ITPR1: variants seen among roughly 807,000 people sequenced by gnomAD.
ITPR1 encodes inositol 1,4,5-trisphosphate-gated calcium channel ITPR1.
In ITPR1, 96 loss-of-function variants were observed where a neutral mutation model predicts 318.4. The ratio of observed to expected loss-of-function variants is 0.30; its 90% CI spans 0.26 to 0.36. The LOEUF is 0.36. Among genes scored for constraint, ITPR1 ranks in the 10% least tolerant of loss-of-function variants. ITPR1 has a pLI of 1.00. For missense variants in ITPR1, 2,440 were observed against 3,460.2 expected (o/e 0.71, Z 7.40); for synonymous variants, 1,312 against 1,289.9 (o/e 1.02, Z -0.37).
intron 60 of ITPR1, among the ~76,000 whole-genome samples, chr3:4,834,666 G>A (rs767178097): frequency 6.7e-4 from 102 of 152,186 alleles, no homozygotes; most frequent in African/African-American, 2.4e-3. Context: ...GGAAGATGTG[G>A]CTGTGTCTGA....
intron 31 of ITPR1, among the ~76,000 whole-genome samples, chr3:4,690,692 G>A (rs991637587): frequency 5.3e-5 from 8 of 152,098 alleles, no homozygotes; most frequent in Admixed American, 1.3e-4. Flanking sequence ...ATTAAAACTG[G>A]ATCCTACTCC....
intron 60 of ITPR1, among the ~76,000 whole-genome samples, chr3:4,825,436 G>A (rs73006921): frequency 0.047 from 7,152 of 152,072 alleles, 217 homozygotes; most frequent in Middle Eastern, 0.075. Context: ...TGAGAGCTGC[G>A]GGTAATTTGC....
intron 4 of ITPR1, among the ~76,000 whole-genome samples, chr3:4,564,715 C>T (rs987018173): frequency 6.6e-6 from 1 of 152,170 alleles, no homozygotes; most frequent in Non-Finnish European, 1.5e-5. Context: ...CTTGGAATTC[C>T]AGGCCTTCAG....
At chr3:4,539,460 A>G (rs955646384) in intron 4 of ITPR1, among the ~76,000 whole-genome samples, 1 of 152,140 alleles carries the variant, frequency 6.6e-6, no homozygotes, top group Non-Finnish European at 1.5e-5. Context: ...TGATCTATCC[A>G]GTGTTGAGAG....
At chr3:4,733,631 G>C (rs1364086927) in intron 43 of ITPR1, among the ~76,000 whole-genome samples, 2 of 152,172 alleles carry the variant, frequency 1.3e-5, no homozygotes, top group African/African-American at 4.8e-5. Context: ...GCTTTCCTAA[G>C]TGCATTGCAT....
At chr3:4,673,412 A>G in intron 21 of ITPR1, 25 bp downstream of exon 21, 1 of 1,579,932 alleles carries the variant, frequency 6.3e-7, no homozygotes. Context: ...TGAAAACCTC[A>G]CTTTACATTA....
intron 2 of ITPR1, among the ~76,000 whole-genome samples, chr3:4,510,640 C>T (rs1559361467): frequency 6.6e-6 from 1 of 152,196 alleles, no homozygotes; most frequent in Non-Finnish European, 1.5e-5. Flanking sequence ...GTATAAAACA[C>T]ATCACACACA....
chr3:4,634,265 G>A (rs554645090), intron 5 of ITPR1, among the ~76,000 whole-genome samples: 1 of 151,704 alleles, frequency 6.6e-6, no homozygotes, highest in African/African-American at 2.4e-5. Context: ...CCACGCTGGT[G>A]TGCAGTGACA....
At chr3:4,604,360 G>T (rs180972569) in intron 4 of ITPR1, among the ~76,000 whole-genome samples, 109 of 152,240 alleles carry the variant, frequency 7.2e-4, no homozygotes, top group Non-Finnish European at 1.1e-3. Context: ...AGTCTCTGCT[G>T]AGGCACCAAG....
intron 60 of ITPR1, among the ~76,000 whole-genome samples, chr3:4,822,158 C>T (rs1357803358): frequency 1.3e-5 from 2 of 152,178 alleles, no homozygotes; most frequent in South Asian, 2.1e-4. Flanking sequence ...CTCACACATC[C>T]GTTGGGTGGT....
At chr3:4,554,126 G>A (rs549765921) in intron 4 of ITPR1, among the ~76,000 whole-genome samples, 2 of 152,362 alleles carry the variant, frequency 1.3e-5, no homozygotes, top group Admixed American at 1.3e-4. Flanking sequence ...TCATTTAGCA[G>A]TGAGGGCAAT....
rs756935308 is a variant in ITPR1, at chr3:4,693,476, T to A, written c.4030-14T>A. On this transcript the variant is annotated splice_polypyrimidine_tract_variant and intron_variant, in intron 32 of 61. Transcript: ENST00000649015. ...GCAAGCTTGTAATCTAAACCCACCC[T>A]GTTCTTTATGTAGCTGGTCAATTCG... 6.2e-7 allele frequency: 1 copy of A among 1,611,426 alleles called. No homozygotes were observed. The highest frequency in any genetic ancestry group is 1.1e-5 in the South Asian group (1 of 91,042).
Position 4,684,356 on chromosome 3 carries a change from TC to T in ITPR1, c.3564+15del. The T allele has an allele frequency of 6.3e-7, 1 of 1,592,952 alleles. No individual in the cohort carries two copies. Among genetic ancestry groups the T allele is most frequent in the Non-Finnish European group, 8.6e-7 (1 of 1,161,808 alleles). ...CAGAGTGGTCAAAGAGGTAAGCTCC[TC>T]CCCCACCACCATTTTTCCTTTCTTT... is the stretch of plus-strand genomic sequence containing the variant. On this transcript the variant is annotated intron_variant, in intron 29 of 61. Transcript: ENST00000649015.
chr3:4,659,126 T>A (rs1363093921), intron 13 of ITPR1, among the ~76,000 whole-genome samples: 1 of 152,146 alleles, frequency 6.6e-6, no homozygotes, highest in Non-Finnish European at 1.5e-5. Flanking sequence ...CAATACCATG[T>A]TGGTTAATGG....
chr3:4,677,188 T>A (rs1028643073), intron 24 of ITPR1, among the ~76,000 whole-genome samples: 7 of 152,148 alleles, frequency 4.6e-5, no homozygotes, highest in African/African-American at 1.7e-4. Context: ...CTTCCCTTTT[T>A]CATTCAATCA....
intron 44 of ITPR1, among the ~76,000 whole-genome samples, chr3:4,756,029 G>A (rs1321059833): frequency 6.6e-6 from 1 of 152,162 alleles, no homozygotes; most frequent in African/African-American, 2.4e-5. Context: ...TTGCAAAAAA[G>A]TTTCTTGTTA....
intron 2 of ITPR1, among the ~76,000 whole-genome samples, chr3:4,496,587 A>C (rs917716534): frequency 6.6e-6 from 1 of 152,224 alleles, no homozygotes; most frequent in African/African-American, 2.4e-5. Context: ...GGTTGCTTAG[A>C]AAAAAAGAGA....
chr3:4,747,033 T>C (rs2125338451), intron 44 of ITPR1, among the ~76,000 whole-genome samples: 1 of 152,316 alleles, frequency 6.6e-6, no homozygotes, highest in Non-Finnish European at 1.5e-5. Flanking sequence ...TGTGAACTTG[T>C]GTTGTTGATG....
chr3:4,593,784 A>G (rs1439117949), intron 4 of ITPR1, among the ~76,000 whole-genome samples: 3 of 152,228 alleles, frequency 2.0e-5, no homozygotes, highest in Admixed American at 1.3e-4. Flanking sequence ...AACATGAGAC[A>G]TGTTATCAAA....
Sources: gnomAD v4.1 joint callset for allele counts (sites outside exome capture counted in the v4.1 genomes callset) on GRCh38, gnomAD v4.1.1 for gene constraint, MANE v1.5 for transcripts, NCBI Gene and HGNC (gene_info 2026-07-23, HGNC 2026-07-21) for gene names.